TRMT1: variants seen among roughly 807,000 people sequenced by gnomAD.
TRMT1 encodes the protein tRNA methyltransferase 1, also known as tRNA (guanine(26)-N(2))-dimethyltransferase.
TRMT1 carries 63 observed loss-of-function variants against 75.4 expected under a neutral mutation model. That is an observed-to-expected ratio of 0.84 (90% confidence interval 0.68 to 1.03). The LOEUF (loss-of-function observed/expected upper bound fraction) is 1.03, where lower values mean the gene tolerates loss of function less well. Among genes scored for constraint, TRMT1 ranks in the 50% least tolerant of loss-of-function variants. The pLI is 0.00. For missense variants in TRMT1, 870 were observed against 905.3 expected, an observed-to-expected ratio of 0.96 and a Z score of 0.50; for synonymous variants, 382 against 358.1, an observed-to-expected ratio of 1.07 and a Z score of -0.75.
In TRMT1 at chr19:13,109,419, G is replaced by C; in HGVS notation, c.1359C>G (p.Ser453Arg). The C allele has an allele frequency of 6.2e-7, 1 of 1,613,364 alleles. No homozygotes were observed. The highest frequency in any genetic ancestry group is 1.1e-5 in the South Asian group (1 of 91,032). ...PLYYTLDQLSSTIHCNTPSLL... is the reference protein window; with the variant it reads ...PLYYTLDQLSRTIHCNTPSLL... ...GGCTTGGTGTGTTGCAGTGGATGGT[G>C]CTGCTCAGCTGGTCCAGGGTGTAGT... Residue 453 changes from serine (S) to arginine (R), a missense_variant, in exon 12 of 17, where the codon AGC becomes AGG. Coordinates refer to ENST00000357720, the MANE Select transcript of TRMT1 (RefSeq NM_001136035.4).
At position 13,110,261 on chromosome 19, in the gene TRMT1, A is replaced by G; in HGVS notation, c.916T>C (p.Tyr306His). ...LHSLDLRANC[Y>H]QRFVVPLLSI... ...AGCAGCGGCACCACGAAGCGCTGGT[A>G]GCAGTTGGCGCGGAGGTCCAGGCTG... The change falls in exon 8 of 17, where the codon TAC becomes CAC. Residue 306 changes from tyrosine (Y) to histidine (H), a missense_variant. Coordinates refer to ENST00000357720, the MANE Select transcript of TRMT1 (RefSeq NM_001136035.4). 1 of 1,589,190 alleles carries G rather than the reference A, an allele frequency of 6.3e-7. No homozygotes were observed. Among genetic ancestry groups the G allele is most frequent in the Non-Finnish European group, 8.6e-7 (1 of 1,165,688 alleles).
At chr19:13,109,724 C>G in intron 10 of TRMT1, 40 bp from the exon 11 acceptor site, 1 of 1,613,998 alleles carries the variant, frequency 6.2e-7, no homozygotes, top group Non-Finnish European at 8.5e-7. Flanking sequence ...GGACTATGAC[C>G]TTCAAGACCC....
chr19:13,107,153 G>T (rs2145576422), intron 14 of TRMT1, among the ~76,000 whole-genome samples: 1 of 148,672 alleles, frequency 6.7e-6, no homozygotes, highest in Non-Finnish European at 1.5e-5. Flanking sequence ...TATTCTTTTT[G>T]AGATGGAGTC....
chr19:13,110,528 G>A (rs2019100333), intron 7 of TRMT1, among the ~76,000 whole-genome samples: 1 of 152,222 alleles, frequency 6.6e-6, no homozygotes, highest in African/African-American at 2.4e-5. Flanking sequence ...TGGCACTGCT[G>A]GGGGCACTAA....
chr19:13,109,895 T>G lies in TRMT1; in HGVS notation c.1106+20A>C. The stretch of plus-strand genomic sequence containing the variant: ...AGGAAAACCCTGGGACTCCCCTTCT[T>G]CTCCTTCCTCCCTGCTCACCGGCCG... On this transcript the variant is annotated intron_variant, in intron 9 of 16. Coordinates refer to ENST00000357720, the MANE Select transcript of TRMT1 (RefSeq NM_001136035.4). 1 of 1,613,912 alleles carries G rather than the reference T, an allele frequency of 6.2e-7. No homozygotes were observed. Among genetic ancestry groups the G allele is most frequent in the Non-Finnish European group, 8.5e-7 (1 of 1,179,966 alleles).
At chr19:13,116,502 A>G (rs868322778) in intron 1 of TRMT1, 71 bp from the exon 2 acceptor site, 31 of 1,454,860 alleles carry the variant, frequency 2.1e-5, no homozygotes, top group Middle Eastern at 2.4e-4. Flanking sequence ...GATGTCCTAC[A>G]TATCTATGAG....
chr19:13,111,158 C>T (rs2145588034), intron 7 of TRMT1, among the ~76,000 whole-genome samples: 1 of 152,226 alleles, frequency 6.6e-6, no homozygotes, highest in South Asian at 2.1e-4. Flanking sequence ...ATCCTCCTGC[C>T]TCAGCCTCCA....
rs35140536 is a variant in TRMT1 at position 13,111,550 on chromosome 19, AT to A, written c.870+1154del. ...AAGCACCCACCACCACGCCCAGCTA[AT>A]TTTTTTTTTTTTTTTTTTGTATTTT... On this transcript the variant is annotated intron_variant, in intron 7 of 16. Transcript: ENST00000357720. 3.3e-3 allele frequency among the ~76,000 whole-genome samples: 416 copies of A among 124,536 alleles called. 1 individual carries two copies. The highest frequency in any genetic ancestry group is 0.017 in the Middle Eastern group (4 of 236). The allele number at this position is 124,536 out of a possible 152,430, so 81.7% of individuals were successfully genotyped here. A position where few individuals can be genotyped will look rare whatever the true frequency, so the allele number is the denominator to read the frequency against.
chr19:13,111,287 T>A (rs2019127884), intron 7 of TRMT1, among the ~76,000 whole-genome samples: 1 of 152,004 alleles, frequency 6.6e-6, no homozygotes, highest in Admixed American at 6.5e-5. Flanking sequence ...CCTCCCACCT[T>A]GGCCTCCGAA....
intron 1 of TRMT1, 97 bp downstream of exon 1, chr19:13,116,556 C>CAAAACGAGGGGATA: frequency 9.5e-7 from 1 of 1,052,752 alleles, no homozygotes; most frequent in Non-Finnish European, 1.3e-6. Context: ...CTGATATCCC[C>CAAAACGAGGGGATA]TCGTTTTGGG....
rs771096015 is a variant in TRMT1, at chr19:13,109,979, A to C, written c.1042T>G (p.Cys348Gly). The C allele has an allele frequency of 6.2e-6, 10 of 1,613,484 alleles. No homozygotes were observed. The highest frequency in any genetic ancestry group is 5.9e-6 in the Non-Finnish European group (7 of 1,179,922). Reference sequence around the variant, plus strand: ...AGGTGGAAGGCCCCGCAGCCCACACACTGGAACACCAGCGCCTGCTTGCTG... The same window carrying C: ...AGGTGGAAGGCCCCGCAGCCCACACCCTGGAACACCAGCGCCTGCTTGCTG... ...SASKQALVFQ[C>G]VGCGAFHLQR... The change falls in exon 9 of 17, where the codon TGT becomes GGT. Residue 348 changes from cysteine to glycine, a missense_variant. Transcript: ENST00000357720.
At chr19:13,106,523 G>A (rs2018876318) in intron 14 of TRMT1, among the ~76,000 whole-genome samples, 1 of 152,142 alleles carries the variant, frequency 6.6e-6, no homozygotes, top group Non-Finnish European at 1.5e-5. Flanking sequence ...TGTCGCCCAG[G>A]CTGGAGTGCA....
At chr19:13,114,249 C>T (rs113152778) in intron 5 of TRMT1, among the ~76,000 whole-genome samples, 201 of 152,330 alleles carry the variant, frequency 1.3e-3, no homozygotes, top group African/African-American at 4.7e-3. Flanking sequence ...AGGCCGGGCG[C>T]AGTGGCTCAC....
rs1324924833 is a variant in TRMT1, at chr19:13,116,130, T to G, written c.254+16A>C. ...CCCACTAGCCGATGCCAGGCTAACG[T>G]CTGACCCCTGCTCACGTCAGGTCCC... On this transcript the variant is annotated intron_variant, in intron 2 of 16. Coordinates refer to ENST00000357720, the MANE Select transcript of TRMT1 (RefSeq NM_001136035.4). 1 of 1,613,916 alleles carries G rather than the reference T, an allele frequency of 6.2e-7. No homozygotes were observed. Among genetic ancestry groups the G allele is most frequent in the Non-Finnish European group, 8.5e-7 (1 of 1,179,960 alleles).
chr19:13,105,532 G>A lies in TRMT1; in HGVS notation c.1658C>T (p.Ala553Val), dbSNP rs746923736. ...SRQRGLKRFQANPEANWGPRP... is the reference protein window; with the variant it reads ...SRQRGLKRFQVNPEANWGPRP... ...GGGACCCCAGTTGGCCTCCGGGTTAGCCTGGAAGCGCTTGAGTCCTCGCTG... is the reference window on the plus strand; with the variant it reads ...GGGACCCCAGTTGGCCTCCGGGTTAACCTGGAAGCGCTTGAGTCCTCGCTG... Residue 553 changes from alanine to valine, a missense_variant, in exon 15 of 17, where the codon GCT becomes GTT. By Grantham distance (64) the Ala-to-Val change is moderately conservative. Transcript: ENST00000357720. 2.5e-6 allele frequency: 4 copies of A among 1,614,088 alleles called. No homozygotes were observed. The South Asian group carries it at 3.3e-5, about 13-fold the overall frequency.
At position 13,110,154 on chromosome 19, in the gene TRMT1, T is replaced by C; in HGVS notation, c.1019+4A>G. The C allele has an allele frequency of 6.2e-7, 1 of 1,612,138 alleles. No homozygotes were observed. Among genetic ancestry groups the C allele is most frequent in the Non-Finnish European group, 8.5e-7 (1 of 1,179,918 alleles). The stretch of plus-strand genomic sequence containing the variant: ...CCACCACCGCTCTCTGCCCCCGGGC[T>C]GACCTGGCTGAGGCCTTGACCTTGG... On this transcript the variant is annotated splice_donor_region_variant and intron_variant, in intron 8 of 16. Coordinates refer to ENST00000357720, the MANE Select transcript of TRMT1 (RefSeq NM_001136035.4).
intron 14 of TRMT1, 118 bp from the exon 15 acceptor site, chr19:13,105,724 G>A: frequency 9.5e-7 from 1 of 1,057,854 alleles, no homozygotes; most frequent in Non-Finnish European, 1.4e-6. Context: ...CTCATGTCAG[G>A]ATTCTCTCAT....
Position 13,112,890 on chromosome 19 carries a change from C to T in TRMT1, c.757+6G>A, listed in dbSNP as rs1568370847. 1 of 1,612,792 alleles carries T rather than the reference C, an allele frequency of 6.2e-7. No homozygotes were observed. Among genetic ancestry groups the T allele is most frequent in the Non-Finnish European group, 8.5e-7 (1 of 1,179,216 alleles). ...TGCTCCCACCCCAGTGCCATCCCCA[C>T]CTCACCTCCTTCACTCACAGCCTGC... On this transcript the variant is annotated splice_donor_region_variant and intron_variant, in intron 6 of 16. Transcript: ENST00000357720.
chr19:13,106,640 T>G (rs1272346370), intron 14 of TRMT1, among the ~76,000 whole-genome samples: 1 of 146,748 alleles, frequency 6.8e-6, no homozygotes, highest in Admixed American at 6.8e-5. Context: ...CACACCTGGC[T>G]AATTTTTTTT....
Sources: gnomAD v4.1 joint callset for allele counts (sites outside exome capture counted in the v4.1 genomes callset) on GRCh38, gnomAD v4.1.1 for gene constraint, MANE v1.5 for transcripts, NCBI Gene and HGNC (gene_info 2026-07-23, HGNC 2026-07-21) for gene names.